The following NLRP14 variants were observed in gnomAD, a reference collection of about 807,000 sequenced individuals.
NLRP14 encodes NLR family pyrin domain containing 14.
Under a neutral mutation model 94.7 loss-of-function variants are expected in NLRP14, and 105 were observed. That is an observed-to-expected ratio of 1.11 (90% CI 0.95 to 1.30). The LOEUF (loss-of-function observed/expected upper bound fraction) is 1.30, where lower values mean the gene tolerates loss of function less well. NLRP14 is among the 50% of genes most tolerant of loss of function. NLRP14 has a pLI of 0.00. For missense variants in NLRP14, 1,362 were observed against 1,254.1 expected (o/e 1.09, Z -1.30); for synonymous variants, 508 against 459.9 (o/e 1.10, Z -1.34).
intron 6 of NLRP14, among the ~76,000 whole-genome samples, chr11:7,055,486 A>G (rs1455069930): frequency 6.6e-6 from 1 of 152,130 alleles, no homozygotes; most frequent in East Asian, 1.9e-4. Flanking sequence ...GAAGGGAAAA[A>G]TACATTCACG....
At chr11:7,050,511 A>G (rs1253318388) in intron 6 of NLRP14, among the ~76,000 whole-genome samples, 1 of 152,218 alleles carries the variant, frequency 6.6e-6, no homozygotes, top group Non-Finnish European at 1.5e-5. Context: ...ACAAAACCAG[A>G]CAAAACAAAT....
At chr11:7,080,792 C>T in the NLRP14 span, among the ~76,000 whole-genome samples, 9 of 152,168 alleles carry the variant, frequency 5.9e-5, no homozygotes, top group East Asian at 3.8e-4. Flanking sequence ...ACACGAAACA[C>T]GGCTTGGCAG....
rs1445507134 is a variant in NLRP14, at chr11:7,057,789, G to A, written c.2404G>A (p.Gly802Arg). 1 of 1,611,750 alleles carries A rather than the reference G, an allele frequency of 6.2e-7. No homozygotes were observed. The highest frequency in any genetic ancestry group is 8.5e-7 in the Non-Finnish European group (1 of 1,177,970). Residue 802 changes from glycine to arginine, a missense_variant, in exon 7 of 12, where the codon GGA becomes AGA. By Grantham distance (125) the Gly-to-Arg change is moderately radical (BLOSUM62 -2). Coordinates refer to ENST00000299481, the MANE Select transcript of NLRP14 (RefSeq NM_176822.4). Reference protein sequence around the residue: ...NLSTNNLLDDGVQLLCEALRH... With the variant: ...NLSTNNLLDDRVQLLCEALRH... ...GTCAACCAATAATCTGTTGGATGATGGAGTGCAGCTTTTGTGTGAGGCCTT... is the reference window on the plus strand; with the variant it reads ...GTCAACCAATAATCTGTTGGATGATAGAGTGCAGCTTTTGTGTGAGGCCTT...
At chr11:7,062,555 T>G (rs1383120000) in intron 10 of NLRP14, 52 bp downstream of exon 10, 9 of 1,489,654 alleles carry the variant, frequency 6.0e-6, no homozygotes, top group Non-Finnish European at 7.5e-6. Flanking sequence ...GTAGCTAGTA[T>G]AGCTAGAAGA....
intron 5 of NLRP14, among the ~76,000 whole-genome samples, chr11:7,049,029 T>C (rs1487516944): frequency 9.0e-6 from 1 of 111,708 alleles, no homozygotes; most frequent in Non-Finnish European, 1.8e-5. Context: ...GGAGGGTGGG[T>C]GGTGGGCCGA....
chr11:7,050,698 T>C (rs1286541697), intron 6 of NLRP14, among the ~76,000 whole-genome samples: 1 of 152,162 alleles, frequency 6.6e-6, no homozygotes, highest in Admixed American at 6.5e-5. Flanking sequence ...TTTGACGTTT[T>C]AAAAACTCTT....
At chr11:7,075,104 A>C (rs1352851000), downstream of NLRP14, among the ~76,000 whole-genome samples, 1 of 152,076 alleles carries the variant, frequency 6.6e-6, no homozygotes, top group African/African-American at 2.4e-5. Context: ...GGGAGGGAGT[A>C]ATGTGGTGTG....
At chr11:7,025,212 A>G (rs1262531652) in intron 1 of NLRP14, among the ~76,000 whole-genome samples, 2 of 152,196 alleles carry the variant, frequency 1.3e-5, no homozygotes, top group African/African-American at 4.8e-5. Flanking sequence ...GTTATCTAAA[A>G]ATAAAAATGA....
At chr11:7,036,657 G>T (rs917673264) in intron 1 of NLRP14, among the ~76,000 whole-genome samples, 1 of 152,234 alleles carries the variant, frequency 6.6e-6, no homozygotes, top group South Asian at 2.1e-4. Context: ...ATCCCAAAAT[G>T]CCCCTTGAGT....
the NLRP14 span, among the ~76,000 whole-genome samples, chr11:7,080,265 G>A: frequency 6.6e-6 from 1 of 152,182 alleles, no homozygotes; most frequent in Admixed American, 6.5e-5. Context: ...CTTAGTGTCA[G>A]AATAGAATTG....
At chr11:7,041,524 C>G (rs1005973466) in intron 3 of NLRP14, among the ~76,000 whole-genome samples, 2 of 151,950 alleles carry the variant, frequency 1.3e-5, no homozygotes, top group African/African-American at 4.8e-5. Flanking sequence ...ATAGTTATAC[C>G]TTATTCAAAA....
intron 8 of NLRP14, among the ~76,000 whole-genome samples, chr11:7,059,364 T>A (rs1162218457): frequency 6.6e-6 from 1 of 151,818 alleles, no homozygotes; most frequent in Non-Finnish European, 1.5e-5. Flanking sequence ...TTAAAAAAAA[T>A]ACACATATGT....
At chr11:7,044,017 C>A in intron 4 of NLRP14, 33 bp downstream of exon 4, 1 of 1,601,724 alleles carries the variant, frequency 6.2e-7, no homozygotes, top group Non-Finnish European at 8.6e-7. Context: ...CTGGAAGTGC[C>A]CTGTAAGGGA....
At chr11:7,078,017 G>A in the NLRP14 span, among the ~76,000 whole-genome samples, 8 of 152,148 alleles carry the variant, frequency 5.3e-5, no homozygotes, top group Non-Finnish European at 8.8e-5. Context: ...AAGAGTTCTA[G>A]AGTGTTTGCA....
chr11:7,062,449 T>A lies in NLRP14; in HGVS notation c.2921T>A (p.Val974Glu). 1 of 1,613,092 alleles carries A rather than the reference T, an allele frequency of 6.2e-7. No individual in the cohort carries two copies. Among genetic ancestry groups the A allele is most frequent in the East Asian group, 2.2e-5 (1 of 44,844 alleles). The change falls in exon 10 of 12, where the codon GTG (valine) becomes GAG (glutamate). Residue 974 changes from valine (V) to glutamate (E), a missense_variant. By Grantham distance (121) the Val-to-Glu change is moderately radical. Transcript: ENST00000299481. Reference sequence around the variant, plus strand: ...AACAACGATTTGCAGGATGATGGAGTGAAAATTCTGTGTGATGCTTTGAGA... The same window carrying A: ...AACAACGATTTGCAGGATGATGGAGAGAAAATTCTGTGTGATGCTTTGAGA... The part of the protein sequence containing the change: ...LGNNDLQDDG[V>E]KILCDALRYP...
intron 1 of NLRP14, among the ~76,000 whole-genome samples, chr11:7,022,855 C>T (rs1851965751): frequency 6.6e-6 from 1 of 152,108 alleles, no homozygotes; most frequent in Admixed American, 6.6e-5. Flanking sequence ...TTATCTGCCC[C>T]CTCTCTATCT....
chr11:7,070,207 C>G lies in NLRP14; in HGVS notation c.2976-79C>G, dbSNP rs1184330450. On this transcript the variant is annotated intron_variant, in intron 10 of 11. Coordinates refer to ENST00000299481, the MANE Select transcript of NLRP14 (RefSeq NM_176822.4). ...AAAGTTTCTGGAATTATCCTCCATT[C>G]TGAGTTCACAGATCTCTTGTGGGCT... 4 of 1,017,550 alleles carry G rather than the reference C, an allele frequency of 3.9e-6. No homozygotes were observed. The African/African-American group carries it at 6.3e-5, about 16-fold the overall frequency. The allele number at this position is 1,017,550 out of a possible 1,614,324, so 63.0% of individuals were successfully genotyped here.
chr11:7,041,834 A>C (rs1414882978), intron 3 of NLRP14, among the ~76,000 whole-genome samples: 1 of 152,212 alleles, frequency 6.6e-6, no homozygotes, highest in Non-Finnish European at 1.5e-5. Flanking sequence ...AGACTTAAAC[A>C]AGTAAAGATG....
Position 7,057,244 on chromosome 11 carries a change from G to T in NLRP14, c.2292-433G>T, listed in dbSNP as rs749916492. Among the ~76,000 whole-genome samples the T allele has an allele frequency of 2.0e-5, 3 of 151,552 alleles. No homozygotes were observed. In the East Asian group the frequency reaches 5.8e-4, roughly 29 times the overall value. ...AAGGACTGGATTCGTCAGAAAACAC[G>T]GGCTCATGAATAAATGAGCTCACGG... is the stretch of plus-strand genomic sequence containing the variant. On this transcript the variant is annotated intron_variant, in intron 6 of 11. Transcript: ENST00000299481.
Sources: gnomAD v4.1 joint callset for allele counts (sites outside exome capture counted in the v4.1 genomes callset) on GRCh38, gnomAD v4.1.1 for gene constraint, MANE v1.5 for transcripts, NCBI Gene and HGNC (gene_info 2026-07-23, HGNC 2026-07-21) for gene names.